CDK19: variants seen among roughly 807,000 people sequenced by gnomAD.
The protein encoded by CDK19 is cyclin-dependent kinase 19.
CDK19 carries 20 observed loss-of-function variants against 68.3 expected under a neutral mutation model. That is an observed-to-expected ratio of 0.29 (90% CI 0.21 to 0.43). The LOEUF (loss-of-function observed/expected upper bound fraction) is 0.43, where lower values mean the gene tolerates loss of function less well. CDK19 is among the 20% of genes least tolerant of loss of function. The pLI, the probability that CDK19 is intolerant of heterozygous loss-of-function variation, is 1.00. For missense variants in CDK19, 339 were observed against 623.5 expected (o/e 0.54, Z 4.86); for synonymous variants, 221 against 222.8 (o/e 0.99, Z 0.07).
chr6:110,622,845 T>C lies in CDK19; in HGVS notation c.1001A>G (p.Tyr334Cys), dbSNP rs1282897871. 6.2e-7 allele frequency: 1 copy of C among 1,613,152 alleles called. No homozygotes were observed. The highest frequency in any genetic ancestry group is 1.7e-5 in the Admixed American group (1 of 60,012). The stretch of plus-strand genomic sequence containing the variant: ...TGTTGGCAAAGGGTCCTCCTGAAAA[T>C]AGGGATCCTGCAGAGCTTGCTCCGA... ...ITSEQALQDP[Y>C]FQEDPLPTLD... The change falls in exon 10 of 13, where the codon TAT becomes TGT. Residue 334 changes from tyrosine to cysteine, a missense_variant. Tyr to Cys is a radical substitution (Grantham distance 194). Transcript: ENST00000368911.
intron 2 of CDK19, among the ~76,000 whole-genome samples, chr6:110,685,382 C>G (rs1772389411): frequency 6.6e-6 from 1 of 152,202 alleles, no homozygotes; most frequent in Admixed American, 6.5e-5. Context: ...AAGAGGCCTT[C>G]CCTGAAACTC....
upstream of CDK19, chr6:110,815,690 G>C (rs1783593771): frequency 6.6e-6 from 1 of 152,654 alleles, no homozygotes; most frequent in Admixed American, 6.5e-5. Context: ...CGAAGTTCCA[G>C]TGTGCTTTCT....
intron 1 of CDK19, among the ~76,000 whole-genome samples, chr6:110,804,731 G>A (rs1256310620): frequency 2.0e-5 from 3 of 149,776 alleles, no homozygotes; most frequent in Admixed American, 6.6e-5. Context: ...CGAGGCGGGC[G>A]GATCACGAGG....
chr6:110,777,427 C>T (rs531261530), intron 1 of CDK19, among the ~76,000 whole-genome samples: 18 of 152,128 alleles, frequency 1.2e-4, no homozygotes, highest in Middle Eastern at 6.8e-3. Context: ...GATACGACCT[C>T]ATACCTTATG....
rs1486194081 is a variant in CDK19 at position 110,743,948 on chromosome 6, T to G, written c.204+2178A>C. Among the ~76,000 whole-genome samples the G allele has an allele frequency of 3.3e-5, 5 of 151,810 alleles. No homozygotes were observed. The East Asian group carries it at 7.8e-4, about 24-fold the overall frequency. On this transcript the variant is annotated intron_variant, in intron 2 of 12. Coordinates refer to ENST00000368911, the MANE Select transcript of CDK19 (RefSeq NM_015076.5). ...GTTGATATAATAACATGTAAGGATT[T>G]TAAAATGTGACAAATCACTTACCAA...
At chr6:110,791,904 C>A (rs1383519703) in intron 1 of CDK19, among the ~76,000 whole-genome samples, 1 of 152,116 alleles carries the variant, frequency 6.6e-6, no homozygotes, top group African/African-American at 2.4e-5. Context: ...CCTCAACCTC[C>A]CAAAGTGCTG....
At chr6:110,695,401 G>A (rs1773390692) in intron 2 of CDK19, among the ~76,000 whole-genome samples, 1 of 152,062 alleles carries the variant, frequency 6.6e-6, no homozygotes, top group Non-Finnish European at 1.5e-5. Flanking sequence ...AAAAATGTCT[G>A]AAAAAATCAC....
chr6:110,735,972 T>C (rs981909752), intron 2 of CDK19, among the ~76,000 whole-genome samples: 1 of 152,190 alleles, frequency 6.6e-6, no homozygotes, highest in Non-Finnish European at 1.5e-5. Flanking sequence ...GAGGAACCTG[T>C]GAACTGCTGC....
intron 6 of CDK19, among the ~76,000 whole-genome samples, chr6:110,628,293 C>T (rs1354762817): frequency 3.9e-5 from 6 of 152,158 alleles, no homozygotes; most frequent in Non-Finnish European, 8.8e-5. Context: ...TCACATTCTG[C>T]AATAAGCTAA....
chr6:110,706,415 GTTTGTT>G lies in CDK19; in HGVS notation c.205-35880_205-35875del, dbSNP rs1774497062. 2.3e-5 allele frequency: 2 copies of G among 87,388 alleles called. 1 individual carries two copies. The highest frequency in any genetic ancestry group is 4.3e-5 in the Non-Finnish European group (2 of 47,030). 5.4% of individuals were successfully genotyped at this position (87,388 alleles called of 1,614,324 possible). A position where few individuals can be genotyped will look rare whatever the true frequency, so the allele number is the denominator to read the frequency against. On this transcript the variant is annotated intron_variant, in intron 2 of 12. Coordinates refer to ENST00000368911, the MANE Select transcript of CDK19 (RefSeq NM_015076.5). The stretch of plus-strand genomic sequence containing the variant: ...TGGGTAACACTGTTGTTTTTTTTTT[GTTTGTT>G]TTTTTTTTTTTGAGACAGAGTCTGG...
At chr6:110,764,224 G>C (rs761678382) in intron 1 of CDK19, among the ~76,000 whole-genome samples, 1 of 152,084 alleles carries the variant, frequency 6.6e-6, no homozygotes, top group African/African-American at 2.4e-5. Context: ...CAAAATCCCA[G>C]CCAACTGTTT....
At chr6:110,673,656 T>A (rs73524695) in intron 2 of CDK19, among the ~76,000 whole-genome samples, 2,917 of 152,266 alleles carry the variant, frequency 0.019, 100 homozygotes, top group African/African-American at 0.067. Flanking sequence ...AGTTTGCCAT[T>A]AATATTAGGA....
chr6:110,781,883 A>T (rs1426344288), intron 1 of CDK19, among the ~76,000 whole-genome samples: 1 of 151,838 alleles, frequency 6.6e-6, no homozygotes, highest in Non-Finnish European at 1.5e-5. Context: ...ATCAGCTCTT[A>T]CTTTAGAGTC....
rs189595624 is a variant in CDK19, at chr6:110,705,618, C to T, written c.205-35077G>A. 6.6e-5 allele frequency among the ~76,000 whole-genome samples: 10 copies of T among 152,284 alleles called. No individual in the cohort carries two copies. In the East Asian group the frequency reaches 1.2e-3, roughly 18 times the overall value. On this transcript the variant is annotated intron_variant, in intron 2 of 12. Coordinates refer to ENST00000368911, the MANE Select transcript of CDK19 (RefSeq NM_015076.5). The stretch of plus-strand genomic sequence containing the variant: ...CAGGATTACACAGACTCCGAAGGTA[C>T]GTTCACAGAAGCGAAGCATCCTTCT...
At chr6:110,671,836 G>A (rs1771036862) in intron 2 of CDK19, among the ~76,000 whole-genome samples, 1 of 152,000 alleles carries the variant, frequency 6.6e-6, no homozygotes, top group Admixed American at 6.6e-5. Context: ...GGAATGCAAT[G>A]GCACAATCTC....
rs980923383 is a variant in CDK19 at position 110,610,971 on chromosome 6, C to T, written c.*3564G>A. 30 of 152,154 alleles carry T rather than the reference C, an allele frequency of 2.0e-4. No individual in the cohort carries two copies. The highest frequency in any genetic ancestry group is 7.2e-4 in the African/African-American group (30 of 41,416). The allele number at this position is 152,154 out of a possible 1,614,324, so 9.4% of individuals were successfully genotyped here. A position where few individuals can be genotyped will look rare whatever the true frequency, so the allele number is the denominator to read the frequency against. On this transcript the variant is annotated 3_prime_UTR_variant, in exon 13 of 13. Coordinates refer to ENST00000368911, the MANE Select transcript of CDK19 (RefSeq NM_015076.5). ...TAGGTAAATGTCATCCCTTTCCATT[C>T]TTAAGAGTCCATTATGTTCGTAAGA...
At chr6:110,698,158 AC>A (rs1773652027) in intron 2 of CDK19, among the ~76,000 whole-genome samples, 1 of 152,200 alleles carries the variant, frequency 6.6e-6, no homozygotes, top group Non-Finnish European at 1.5e-5. Context: ...GCAAAAATAA[AC>A]AAATGGGACC....
chr6:110,719,544 T>C (rs1775661700), intron 2 of CDK19, among the ~76,000 whole-genome samples: 1 of 151,952 alleles, frequency 6.6e-6, no homozygotes, highest in South Asian at 2.1e-4. Context: ...TAAATAAATC[T>C]AAACATATGA....
At chr6:110,675,826 C>T (rs1771480722) in intron 2 of CDK19, among the ~76,000 whole-genome samples, 1 of 152,152 alleles carries the variant, frequency 6.6e-6, no homozygotes, top group African/African-American at 2.4e-5. Context: ...CACCTGGTCA[C>T]CCAAAAGCTC....
Sources: allele counts gnomAD v4.1 joint callset (sites outside exome capture counted in the v4.1 genomes callset), GRCh38; gene constraint gnomAD v4.1.1; transcripts MANE v1.5; gene names NCBI Gene and HGNC (gene_info 2026-07-23, HGNC 2026-07-21).